Variants in ST6GALNAC3 observed in about 807,000 individuals in gnomAD.
ST6GALNAC3 encodes ST6 N-acetylgalactosaminide alpha-2,6-sialyltransferase 3.
Under a neutral mutation model 32.7 loss-of-function variants are expected in ST6GALNAC3, and 25 were observed. The observed-to-expected ratio is 0.76, with a 90% CI of 0.56 to 1.07. The LOEUF is 1.07. Among genes scored for constraint, ST6GALNAC3 ranks in the 50% least tolerant of loss-of-function variants. The pLI is 0.00. For missense variants in ST6GALNAC3, 355 were observed against 382.4 expected (o/e 0.93, Z 0.60); for synonymous variants, 129 against 133.1 (o/e 0.97, Z 0.21).
At chr1:76,549,957 T>G (rs1302147445) in intron 3 of ST6GALNAC3, among the ~76,000 whole-genome samples, 1 of 152,236 alleles carries the variant, frequency 6.6e-6, no homozygotes, top group African/African-American at 2.4e-5. Flanking sequence ...TAAATAGGTA[T>G]CTTGGCCAAT....
At chr1:76,265,623 A>G (rs1037490973) in intron 1 of ST6GALNAC3, among the ~76,000 whole-genome samples, 8 of 152,326 alleles carry the variant, frequency 5.3e-5, no homozygotes, top group African/African-American at 1.9e-4. Context: ...AGAATCTTTT[A>G]TTTATCACAG....
intron 1 of ST6GALNAC3, among the ~76,000 whole-genome samples, chr1:76,169,960 C>T (rs561584556): frequency 5.5e-4 from 84 of 152,262 alleles, no homozygotes; most frequent in Middle Eastern, 3.4e-3. Flanking sequence ...CTGACTTCTT[C>T]TCATCTTTGT....
chr1:76,594,970 A>G (rs1322915914), intron 3 of ST6GALNAC3, among the ~76,000 whole-genome samples: 2 of 152,144 alleles, frequency 1.3e-5, no homozygotes, highest in Admixed American at 1.3e-4. Context: ...ACATTGATAC[A>G]TTACATTATT....
intron 2 of ST6GALNAC3, 47 bp downstream of exon 2, chr1:76,314,046 A>G (rs1331934398): frequency 6.4e-7 from 1 of 1,563,004 alleles, no homozygotes; most frequent in Non-Finnish European, 8.7e-7. Flanking sequence ...ATCCATGGTA[A>G]CAGCTTTTCT....
chr1:76,166,059 T>C (rs1652105179), intron 1 of ST6GALNAC3, among the ~76,000 whole-genome samples: 1 of 152,222 alleles, frequency 6.6e-6, no homozygotes, highest in Non-Finnish European at 1.5e-5. Context: ...TAATTGCTTT[T>C]GGTGTCTTCG....
chr1:76,146,086 G>A (rs961688941), intron 1 of ST6GALNAC3, among the ~76,000 whole-genome samples: 2 of 152,198 alleles, frequency 1.3e-5, no homozygotes, highest in African/African-American at 4.8e-5. Flanking sequence ...GAAAAAAGGT[G>A]CCTGAATTAT....
At chr1:76,081,759 T>C (rs970113004) in intron 1 of ST6GALNAC3, among the ~76,000 whole-genome samples, 1 of 152,174 alleles carries the variant, frequency 6.6e-6, no homozygotes, top group African/African-American at 2.4e-5. Context: ...TTCAGGGCCC[T>C]TCCAAGGTTC....
chr1:76,635,648 T>C (rs552604423), downstream of ST6GALNAC3, among the ~76,000 whole-genome samples: 19 of 152,154 alleles, frequency 1.2e-4, no homozygotes, highest in Non-Finnish European at 2.8e-4. Flanking sequence ...ATAAGATTTG[T>C]TTCTCCCTCA....
intron 3 of ST6GALNAC3, among the ~76,000 whole-genome samples, chr1:76,597,520 T>G (rs1273569658): frequency 6.6e-6 from 1 of 152,060 alleles, no homozygotes; most frequent in Non-Finnish European, 1.5e-5. Context: ...AATTTTGGAA[T>G]CGCCTCCCAG....
chr1:76,455,399 A>G (rs1169540582), intron 3 of ST6GALNAC3, among the ~76,000 whole-genome samples: 1 of 152,166 alleles, frequency 6.6e-6, no homozygotes, highest in Non-Finnish European at 1.5e-5. Context: ...GGAAGGTTTT[A>G]TGTTCACTGT....
At chr1:76,387,335 T>C (rs2101135812) in intron 2 of ST6GALNAC3, among the ~76,000 whole-genome samples, 1 of 152,284 alleles carries the variant, frequency 6.6e-6, no homozygotes, top group Non-Finnish European at 1.5e-5. Flanking sequence ...GCCTGGCACA[T>C]AGTAAGTGCT....
At chr1:76,320,776 C>G (rs1395020261) in intron 2 of ST6GALNAC3, among the ~76,000 whole-genome samples, 1 of 151,954 alleles carries the variant, frequency 6.6e-6, no homozygotes, top group Non-Finnish European at 1.5e-5. Context: ...AGTTATGAAT[C>G]AGTATATACA....
At chr1:76,298,358 T>C (rs148768547) in intron 1 of ST6GALNAC3, among the ~76,000 whole-genome samples, 279 of 151,982 alleles carry the variant, frequency 1.8e-3, no homozygotes, top group African/African-American at 6.5e-3. Context: ...AAAGGAGAGG[T>C]GAGATTTCTA....
intron 3 of ST6GALNAC3, among the ~76,000 whole-genome samples, chr1:76,588,379 T>C (rs1646996101): frequency 6.6e-6 from 1 of 152,198 alleles, no homozygotes; most frequent in Non-Finnish European, 1.5e-5. Flanking sequence ...CCAGTGTCTT[T>C]GTGCTACGTA....
chr1:76,307,191 G>A (rs1043127296), intron 1 of ST6GALNAC3, among the ~76,000 whole-genome samples: 3 of 152,018 alleles, frequency 2.0e-5, no homozygotes, highest in Non-Finnish European at 4.4e-5. Context: ...GGAGCCTTGG[G>A]CCTTCTTTAC....
chr1:76,285,414 A>AGTGTGTGTGTG (rs1164300078), intron 1 of ST6GALNAC3, among the ~76,000 whole-genome samples: 1 of 149,754 alleles, frequency 6.7e-6, no homozygotes, highest in African/African-American at 2.4e-5. Context: ...GTGTGTGTAC[A>AGTGTGTGTGTG]TGTGTGTGTA....
intron 1 of ST6GALNAC3, among the ~76,000 whole-genome samples, chr1:76,301,401 AG>A (rs1660717791): frequency 1.3e-5 from 2 of 152,154 alleles, no homozygotes; most frequent in African/African-American, 4.8e-5. Flanking sequence ...CTTTGATAAC[AG>A]ACCTTGTGCA....
At chr1:76,500,289 A>G (rs1009517411) in intron 3 of ST6GALNAC3, among the ~76,000 whole-genome samples, 2 of 152,190 alleles carry the variant, frequency 1.3e-5, no homozygotes, top group African/African-American at 4.8e-5. Flanking sequence ...GTCATCTGAT[A>G]CATATTTTTT....
At chr1:76,076,735 A>C (rs978413863) in intron 1 of ST6GALNAC3, among the ~76,000 whole-genome samples, 1 of 152,228 alleles carries the variant, frequency 6.6e-6, no homozygotes, top group Admixed American at 6.5e-5. Context: ...TATAAAATAC[A>C]AAATGTTTTT....
Sources: gnomAD v4.1 joint callset for allele counts (sites outside exome capture counted in the v4.1 genomes callset) on GRCh38, gnomAD v4.1.1 for gene constraint, MANE v1.5 for transcripts, NCBI Gene and HGNC (gene_info 2026-07-23, HGNC 2026-07-21) for gene names.